CHN2: variants seen among roughly 807,000 people sequenced by gnomAD.
CHN2 encodes chimerin 2, also known as beta-chimaerin.
CHN2 carries 35 observed loss-of-function variants against 56.3 expected under a neutral mutation model. The ratio of observed to expected loss-of-function variants is 0.62; its 90% confidence interval spans 0.47 to 0.82. The LOEUF is 0.82. CHN2 is among the 40% of genes least tolerant of loss of function. The pLI is 0.00. For synonymous variants in CHN2, 210 were observed against 212.8 expected, an observed-to-expected ratio of 0.99 and a Z score of 0.12; for missense variants, 491 against 580.5, an observed-to-expected ratio of 0.85 and a Z score of 1.58.
chr7:29,510,788 C>T (rs1240844859), intron 12 of CHN2, among the ~76,000 whole-genome samples: 1 of 152,188 alleles, frequency 6.6e-6, no homozygotes, highest in Admixed American at 6.5e-5. Context: ...GGAAGGGATG[C>T]AGGGTATGAA....
chr7:29,286,567 C>T (rs926978891), intron 1 of CHN2, among the ~76,000 whole-genome samples: 1 of 152,190 alleles, frequency 6.6e-6, no homozygotes, highest in Non-Finnish European at 1.5e-5. Context: ...CACCATTTCT[C>T]TACCAGCCAC....
At chr7:29,208,854 CTT>C (rs1394945836) in intron 1 of CHN2, 2 of 152,408 alleles carry the variant, frequency 1.3e-5, no homozygotes, top group East Asian at 3.9e-4. Flanking sequence ...GTCTCCTTCT[CTT>C]AGCGCTGCCC....
intron 2 of CHN2, among the ~76,000 whole-genome samples, chr7:29,180,261 C>CT (rs1422384614): frequency 6.6e-6 from 1 of 152,162 alleles, no homozygotes; most frequent in Non-Finnish European, 1.5e-5. Context: ...TGTGGTGGCT[C>CT]ACGCCTGTAA....
At chr7:29,192,498 A>G (rs1419456967), upstream of CHN2, 1 of 152,240 alleles carries the variant, frequency 6.6e-6, no homozygotes, top group African/African-American at 2.4e-5. Flanking sequence ...TAAGCCATAG[A>G]TTGAAGATAA....
chr7:29,304,031 GC>G (rs1251802390), intron 1 of CHN2, among the ~76,000 whole-genome samples: 1 of 151,122 alleles, frequency 6.6e-6, no homozygotes, highest in African/African-American at 2.4e-5. Flanking sequence ...CTGCACTCCA[GC>G]CTGGGTGACA....
In CHN2 at chr7:29,459,129, C is replaced by T. The variant is rs375104230; in HGVS notation, c.577-21150C>T. 9.8e-5 allele frequency among the ~76,000 whole-genome samples: 15 copies of T among 152,290 alleles called. 1 individual carries two copies. Among genetic ancestry groups the T allele is most frequent in the African/African-American group, 2.6e-4 (11 of 41,554 alleles). Reference sequence around the variant, plus strand: ...GTATTCTGTGCTATGCAGTACACCTCGCCAGGAACGCGGTGGGTCAGGGGT... The same window carrying T: ...GTATTCTGTGCTATGCAGTACACCTTGCCAGGAACGCGGTGGGTCAGGGGT... On this transcript the variant is annotated intron_variant, in intron 6 of 12. Transcript: ENST00000222792.
In CHN2 at chr7:29,496,046, G is replaced by C. The variant is rs3815512; in HGVS notation, c.739+10G>C. 158 of 1,601,500 alleles carry C rather than the reference G, an allele frequency of 9.9e-5. No homozygotes were observed. In the East Asian group the frequency reaches 2.4e-3, roughly 24 times the overall value. On this transcript the variant is annotated intron_variant, in intron 8 of 12. Coordinates refer to ENST00000222792, the MANE Select transcript of CHN2 (RefSeq NM_004067.4). The stretch of plus-strand genomic sequence containing the variant: ...GGGGTCCGGTGCTCAGGTAGACACA[G>C]AACTTTCTTCTTTTCCAATTATATG...
At chr7:29,247,800 A>G (rs1017223489) in intron 1 of CHN2, among the ~76,000 whole-genome samples, 8 of 152,252 alleles carry the variant, frequency 5.3e-5, no homozygotes, top group African/African-American at 1.7e-4. Flanking sequence ...TTGCTTTCCA[A>G]TTAAAAACAC....
chr7:29,273,369 A>ATATGTG (rs1562882033), intron 1 of CHN2, among the ~76,000 whole-genome samples: 9 of 48,576 alleles, frequency 1.9e-4, no homozygotes, highest in East Asian at 5.6e-3. Context: ...ATATATATAT[A>ATATGTG]TATATATATA....
At chr7:29,452,993 C>G (rs539451089) in intron 6 of CHN2, among the ~76,000 whole-genome samples, 2 of 152,324 alleles carry the variant, frequency 1.3e-5, no homozygotes, top group African/African-American at 4.8e-5. Context: ...GAGGGTCTAA[C>G]AAATTTATAT....
intron 1 of CHN2, among the ~76,000 whole-genome samples, chr7:29,313,419 G>T (rs1003657545): frequency 6.6e-6 from 1 of 152,138 alleles, no homozygotes; most frequent in African/African-American, 2.4e-5. Context: ...CACAGAGCAG[G>T]TGAGGCAGAT....
intron 1 of CHN2, among the ~76,000 whole-genome samples, chr7:29,317,557 A>G (rs1205350732): frequency 6.6e-6 from 1 of 152,242 alleles, no homozygotes; most frequent in Non-Finnish European, 1.5e-5. Flanking sequence ...ATACATGCAT[A>G]TCGAAGTTTC....
upstream of CHN2, chr7:29,192,960 G>A (rs1009368648): frequency 2.0e-5 from 3 of 152,230 alleles, no homozygotes; most frequent in Admixed American, 6.5e-5. Context: ...AGTTCCTTCT[G>A]ATCTGATCAA....
At position 29,393,675 on chromosome 7, in the gene CHN2, A is replaced by G. The variant is rs747688214; in HGVS notation, c.145-4A>G. ...TTATTAATTTTTTTTTCTTTTTAATATAGGTGGAAAACAGACCAAAATATT... is the reference window on the plus strand; with the variant it reads ...TTATTAATTTTTTTTTCTTTTTAATGTAGGTGGAAAACAGACCAAAATATT... On this transcript the variant is annotated splice_region_variant and splice_polypyrimidine_tract_variant and intron_variant, in intron 3 of 12. Coordinates refer to ENST00000222792, the MANE Select transcript of CHN2 (RefSeq NM_004067.4). 6 of 896,262 alleles carry G rather than the reference A, an allele frequency of 6.7e-6. No individual in the cohort carries two copies. The highest frequency in any genetic ancestry group is 5.2e-5 in the East Asian group (1 of 19,204). The allele number at this position is 896,262 out of a possible 1,614,324, so 55.5% of individuals were successfully genotyped here. A position where few individuals can be genotyped will look rare whatever the true frequency, so the allele number is the denominator to read the frequency against.
intron 1 of CHN2, among the ~76,000 whole-genome samples, chr7:29,218,315 A>G (rs1300190687): frequency 1.3e-5 from 2 of 152,162 alleles, no homozygotes; most frequent in African/African-American, 4.8e-5. Flanking sequence ...ATCATACAAT[A>G]TCTGTGTTAA....
At chr7:29,389,311 C>G (rs1801178597) in intron 3 of CHN2, among the ~76,000 whole-genome samples, 1 of 152,176 alleles carries the variant, frequency 6.6e-6, no homozygotes, top group South Asian at 2.1e-4. Context: ...GGTCTTGGCT[C>G]CAAATAACTT....
At chr7:29,380,125 C>T (rs1373942226) in intron 3 of CHN2, among the ~76,000 whole-genome samples, 1 of 152,168 alleles carries the variant, frequency 6.6e-6, no homozygotes, top group Non-Finnish European at 1.5e-5. Context: ...TCACTCTGAA[C>T]TGCAGCTTCC....
At chr7:29,375,553 G>A (rs540886335) in intron 3 of CHN2, among the ~76,000 whole-genome samples, 26 of 152,124 alleles carry the variant, frequency 1.7e-4, no homozygotes, top group Non-Finnish European at 3.4e-4. Context: ...TAGTAGAGTT[G>A]GAATACTATG....
chr7:29,408,201 ATAAAT>A (rs1012944862), intron 6 of CHN2, among the ~76,000 whole-genome samples: 2 of 151,032 alleles, frequency 1.3e-5, no homozygotes, highest in African/African-American at 2.4e-5. Flanking sequence ...AAAAAAAAAA[ATAAAT>A]TAAATTAAAA....
Sources: allele counts gnomAD v4.1 joint callset (sites outside exome capture counted in the v4.1 genomes callset), GRCh38; gene constraint gnomAD v4.1.1; transcripts MANE v1.5; gene names NCBI Gene and HGNC (gene_info 2026-07-23, HGNC 2026-07-21).